The following MTREX variants were observed in gnomAD, a reference collection of about 807,000 sequenced individuals.
MTREX encodes Mtr4 exosome RNA helicase, also known as exosome RNA helicase MTR4.
MTREX carries 76 observed loss-of-function variants against 135.4 expected under a neutral mutation model. The observed-to-expected ratio is 0.56, with a 90% CI of 0.47 to 0.68. The LOEUF is 0.68. Ranked by LOEUF, MTREX falls within the 30% of genes least tolerant of loss-of-function variation. The pLI is 0.00. For missense variants in MTREX, 920 were observed against 1,262.1 expected (o/e 0.73, Z 4.11); for synonymous variants, 404 against 401.6 (o/e 1.01, Z -0.07).
intron 20 of MTREX, among the ~76,000 whole-genome samples, chr5:55,399,325 G>C (rs573842723): frequency 1.3e-5 from 2 of 152,180 alleles, no homozygotes; most frequent in East Asian, 3.9e-4. Flanking sequence ...TTCCTAACTA[G>C]CCAAATCCTA....
intron 5 of MTREX, 75 bp downstream of exon 5, chr5:55,328,886 T>C: frequency 1.1e-6 from 1 of 892,990 alleles, no homozygotes. Flanking sequence ...CTGTTTGATT[T>C]CTGCTAGTGA....
chr5:55,364,534 C>T (rs1561198297), intron 15 of MTREX, among the ~76,000 whole-genome samples: 1 of 152,132 alleles, frequency 6.6e-6, no homozygotes, highest in East Asian at 1.9e-4. Context: ...TATATTATTG[C>T]TGAGTAGGGT....
chr5:55,346,179 G>T (rs971982222), intron 10 of MTREX, among the ~76,000 whole-genome samples: 1 of 152,174 alleles, frequency 6.6e-6, no homozygotes, highest in Non-Finnish European at 1.5e-5. Context: ...CTCTGGATAT[G>T]TACCTAGGAG....
At chr5:55,311,188 C>G (rs1561182025) in intron 1 of MTREX, among the ~76,000 whole-genome samples, 1 of 152,106 alleles carries the variant, frequency 6.6e-6, no homozygotes, top group Non-Finnish European at 1.5e-5. Flanking sequence ...TCACCAATAT[C>G]AAGTCATGAT....
chr5:55,330,156 T>G (rs1749449736), intron 5 of MTREX, among the ~76,000 whole-genome samples: 1 of 151,994 alleles, frequency 6.6e-6, no homozygotes, highest in Admixed American at 6.6e-5. Flanking sequence ...AGAGCTCATT[T>G]GCATTCTCAA....
At chr5:55,406,903 G>A (rs549068897) in intron 22 of MTREX, among the ~76,000 whole-genome samples, 3 of 152,186 alleles carry the variant, frequency 2.0e-5, no homozygotes, top group Non-Finnish European at 4.4e-5. Flanking sequence ...AAATGTGTTC[G>A]TTATTTCCCA....
intron 15 of MTREX, among the ~76,000 whole-genome samples, chr5:55,360,972 AATC>A (rs1394983237): frequency 6.6e-6 from 1 of 152,204 alleles, no homozygotes; most frequent in East Asian, 1.9e-4. Context: ...TTAAATGGCA[AATC>A]CTGCTTTTGA....
At chr5:55,318,302 A>G (rs1159215033) in intron 1 of MTREX, among the ~76,000 whole-genome samples, 1 of 152,214 alleles carries the variant, frequency 6.6e-6, no homozygotes, top group Non-Finnish European at 1.5e-5. Flanking sequence ...GCATTCTACC[A>G]TAAAGACACA....
Position 55,345,664 on chromosome 5 carries a change from A to ATTT in MTREX, c.1108+486_1108+488dup, listed in dbSNP as rs553778793. On this transcript the variant is annotated intron_variant, in intron 10 of 26. Transcript: ENST00000230640. ...ATGTTTTCAAGGTTCGTTACTTTTA[A>ATTT]TTTTTTTTTTTTTTTTTTTTGAGAC... Among the ~76,000 whole-genome samples the ATTT allele has an allele frequency of 1.5e-3, 200 of 132,846 alleles. 1 individual carries two copies. Among genetic ancestry groups the ATTT allele is most frequent in the Non-Finnish European group, 2.5e-3 (155 of 61,400 alleles). 87.2% of individuals were successfully genotyped at this position (132,846 alleles called of 152,430 possible). A position where few individuals can be genotyped will look rare whatever the true frequency, so the allele number is the denominator to read the frequency against.
Position 55,365,430 on chromosome 5 carries a change from A to T in MTREX, c.1660-1295A>T, listed in dbSNP as rs137982183. ...AGAAATATCCTTACTTGAGACACAG[A>T]TGAGAAGTCTCCCCTTTTTCTGCAT... On this transcript the variant is annotated intron_variant, in intron 15 of 26. Transcript: ENST00000230640. Among the ~76,000 whole-genome samples, 8 of 152,298 alleles carry T rather than the reference A, an allele frequency of 5.3e-5. No homozygotes were observed. In the East Asian group the frequency reaches 1.5e-3, roughly 29 times the overall value.
At chr5:55,325,512 AT>A (rs1173436673) in intron 3 of MTREX, among the ~76,000 whole-genome samples, 20 of 143,444 alleles carry the variant, frequency 1.4e-4, no homozygotes, top group African/African-American at 2.3e-4. Flanking sequence ...TTTTTTTTTA[AT>A]TTTTTTTTTT....
chr5:55,382,333 G>A (rs940012821), intron 18 of MTREX, among the ~76,000 whole-genome samples: 3 of 151,870 alleles, frequency 2.0e-5, no homozygotes, highest in African/African-American at 7.3e-5. Flanking sequence ...ATGTGTACAT[G>A]TATATATATG....
chr5:55,385,664 G>A (rs1219073019), intron 18 of MTREX, among the ~76,000 whole-genome samples: 1 of 151,842 alleles, frequency 6.6e-6, no homozygotes, highest in Non-Finnish European at 1.5e-5. Context: ...TATTCTCTTA[G>A]GACTGTTTCC....
At chr5:55,393,000 C>T (rs950723340) in intron 19 of MTREX, among the ~76,000 whole-genome samples, 1 of 152,160 alleles carries the variant, frequency 6.6e-6, no homozygotes, top group Admixed American at 6.5e-5. Context: ...TCCGGGGAAC[C>T]ACCAGACTGC....
At position 55,403,970 on chromosome 5, in the gene MTREX, A is replaced by G. The variant is rs546265186; in HGVS notation, c.2482-1455A>G. Among the ~76,000 whole-genome samples the G allele has an allele frequency of 3.0e-3, 462 of 152,260 alleles. 1 individual carries two copies. The highest frequency in any genetic ancestry group is 0.011 in the African/African-American group (448 of 41,552). ...CTCAGTAGCTCTGTATTCTTGACCA[A>G]TTTACTTAGTAATCTCTCCGTGCCT... On this transcript the variant is annotated intron_variant, in intron 21 of 26. Coordinates refer to ENST00000230640, the MANE Select transcript of MTREX (RefSeq NM_015360.5).
At chr5:55,368,460 CAA>C (rs1160659303) in intron 16 of MTREX, among the ~76,000 whole-genome samples, 1 of 151,968 alleles carries the variant, frequency 6.6e-6, no homozygotes. Flanking sequence ...AAAAAAAGAA[CAA>C]AAAGTTTTAA....
At chr5:55,343,536 T>A (rs771195172) in intron 8 of MTREX, 81 bp downstream of exon 8, 28 of 1,221,064 alleles carry the variant, frequency 2.3e-5, no homozygotes, top group Admixed American at 2.2e-5. Context: ...TTTGCTTTTC[T>A]CCTGATGTTG....
chr5:55,382,221 G>A (rs1750406787), intron 18 of MTREX, among the ~76,000 whole-genome samples: 1 of 151,428 alleles, frequency 6.6e-6, no homozygotes, highest in Non-Finnish European at 1.5e-5. Flanking sequence ...TTGTGTCTTT[G>A]TTTTCTCTTC....
intron 18 of MTREX, 53 bp from the exon 19 acceptor site, chr5:55,387,914 CTTAAAAT>C: frequency 6.7e-7 from 1 of 1,502,308 alleles, no homozygotes; most frequent in Non-Finnish European, 9.0e-7. Flanking sequence ...ACAGATGGAA[CTTAAAAT>C]TTATGGGCCA....
Sources: gnomAD v4.1 joint callset for allele counts (sites outside exome capture counted in the v4.1 genomes callset) on GRCh38, gnomAD v4.1.1 for gene constraint, MANE v1.5 for transcripts, NCBI Gene and HGNC (gene_info 2026-07-23, HGNC 2026-07-21) for gene names.